CSMD1: variants seen among roughly 807,000 people sequenced by gnomAD.
CSMD1 encodes CUB and Sushi multiple domains 1, also known as CUB and sushi domain-containing protein 1.
Under a neutral mutation model 417.5 loss-of-function variants are expected in CSMD1, and 213 were observed. The ratio of observed to expected loss-of-function variants is 0.51; its 90% CI spans 0.46 to 0.57. The LOEUF (loss-of-function observed/expected upper bound fraction) is 0.57, where lower values mean the gene tolerates loss of function less well. Among genes scored for constraint, CSMD1 ranks in the 20% least tolerant of loss-of-function variants. The pLI is 0.00. For synonymous variants in CSMD1, 2,862 were observed against 1,736.8 expected (o/e 1.65, Z -16.11); for missense variants, 6,923 against 4,529.7 (o/e 1.53, Z -15.17).
chr8:4,596,914 GT>G (rs1256908232), intron 2 of CSMD1, among the ~76,000 whole-genome samples: 1 of 152,122 alleles, frequency 6.6e-6, no homozygotes, highest in East Asian at 1.9e-4. Context: ...GATCTGATGG[GT>G]TTATCAGGGG....
In CSMD1 at chr8:3,074,478, T is replaced by A. The variant is rs149829759; in HGVS notation, c.7474+12619A>T. 2.4e-4 allele frequency among the ~76,000 whole-genome samples: 37 copies of A among 152,222 alleles called. No homozygotes were observed. The East Asian group carries it at 6.6e-3, about 27-fold the overall frequency. On this transcript the variant is annotated intron_variant, in intron 49 of 69. Transcript: ENST00000635120. ...CTACCTTCACCAGGCTCCTCAAACATAGAAGCTTCCAGAAGCAAGCCGTCA... is the reference window on the plus strand; with the variant it reads ...CTACCTTCACCAGGCTCCTCAAACAAAGAAGCTTCCAGAAGCAAGCCGTCA...
At chr8:4,594,293 T>C (rs1463171887) in intron 2 of CSMD1, among the ~76,000 whole-genome samples, 1 of 142,928 alleles carries the variant, frequency 7.0e-6, no homozygotes, top group Non-Finnish European at 1.5e-5. Context: ...AACCTCTGAC[T>C]CCTGGGTTAA....
intron 1 of CSMD1, among the ~76,000 whole-genome samples, chr8:4,822,492 G>A (rs928398701): frequency 1.2e-4 from 18 of 152,008 alleles, no homozygotes; most frequent in Non-Finnish European, 2.5e-4. Context: ...CGATGGAGAT[G>A]TTTCTCATTT....
At chr8:2,944,140 C>T (rs677117) in intron 68 of CSMD1, among the ~76,000 whole-genome samples, 110,203 of 151,828 alleles carry the variant, frequency 0.73, 40,439 homozygotes, top group East Asian at 0.9. Flanking sequence ...CCCACCATCA[C>T]GCAAAAGGAA....
At chr8:4,907,528 A>G (rs1585304962) in intron 1 of CSMD1, among the ~76,000 whole-genome samples, 1 of 140,238 alleles carries the variant, frequency 7.1e-6, no homozygotes, top group African/African-American at 2.7e-5. Flanking sequence ...AAAAAAATTT[A>G]AATTATTTTT....
chr8:3,965,367 G>C (rs981353088), intron 5 of CSMD1, among the ~76,000 whole-genome samples: 1 of 152,160 alleles, frequency 6.6e-6, no homozygotes, highest in African/African-American at 2.4e-5. Flanking sequence ...TGAAGAGTTT[G>C]TGTGAACAAG....
At chr8:4,104,290 G>C (rs1801453110) in intron 3 of CSMD1, among the ~76,000 whole-genome samples, 1 of 152,188 alleles carries the variant, frequency 6.6e-6, no homozygotes, top group Non-Finnish European at 1.5e-5. Flanking sequence ...TGAGTTCTAA[G>C]CACCCATGTG....
rs1292777787 is a variant in CSMD1 at position 4,265,493 on chromosome 8, G to A, written c.415+154460C>T. Among the ~76,000 whole-genome samples, 14 of 103,758 alleles carry A rather than the reference G, an allele frequency of 1.3e-4. 3 individuals are homozygous for A. The highest frequency in any genetic ancestry group is 3.6e-4 in the Non-Finnish European group (14 of 38,640). The allele number at this position is 103,758 out of a possible 152,430, so 68.1% of individuals were successfully genotyped here. A position where few individuals can be genotyped will look rare whatever the true frequency, so the allele number is the denominator to read the frequency against. Reference sequence around the variant, plus strand: ...TTGGTAAAAATAAATATTGGAACCTGTTTCAAAAATAGCAAAATTTAATAG... The same window carrying A: ...TTGGTAAAAATAAATATTGGAACCTATTTCAAAAATAGCAAAATTTAATAG... On this transcript the variant is annotated intron_variant, in intron 3 of 69. Transcript: ENST00000635120.
intron 3 of CSMD1, among the ~76,000 whole-genome samples, chr8:4,034,972 G>A (rs978791850): frequency 2.0e-5 from 3 of 152,120 alleles, no homozygotes; most frequent in Non-Finnish European, 2.9e-5. Flanking sequence ...CTTAGTCTGC[G>A]CGACTCTTCT....
At chr8:4,336,605 G>C (rs1418048347) in intron 3 of CSMD1, among the ~76,000 whole-genome samples, 3 of 152,138 alleles carry the variant, frequency 2.0e-5, no homozygotes, top group African/African-American at 7.2e-5. Flanking sequence ...CACACACAAA[G>C]TGCATTTGTT....
At chr8:3,363,512 C>CTTATTGATTTAT (rs142946361) in intron 20 of CSMD1, among the ~76,000 whole-genome samples, 1 of 150,656 alleles carries the variant, frequency 6.6e-6, no homozygotes, top group Non-Finnish European at 1.5e-5. Flanking sequence ...TGTAGAAAGG[C>CTTATTGATTTAT]TTATTTATTT....
At chr8:3,136,453 C>T (rs1464130791) in intron 41 of CSMD1, among the ~76,000 whole-genome samples, 3 of 151,846 alleles carry the variant, frequency 2.0e-5, no homozygotes, top group African/African-American at 4.8e-5. Flanking sequence ...TTAGTAGAAA[C>T]GGGGTTTCAC....
At chr8:4,740,270 G>A (rs1367606306) in intron 1 of CSMD1, among the ~76,000 whole-genome samples, 1 of 152,116 alleles carries the variant, frequency 6.6e-6, no homozygotes, top group African/African-American at 2.4e-5. Flanking sequence ...ATTAGTAATA[G>A]TCTGTATTTT....
chr8:3,232,934 G>T (rs967607739), intron 26 of CSMD1, among the ~76,000 whole-genome samples: 1 of 143,466 alleles, frequency 7.0e-6, no homozygotes, highest in Admixed American at 6.9e-5. Context: ...AGGTATTTCA[G>T]TTATTTAAAA....
intron 41 of CSMD1, among the ~76,000 whole-genome samples, chr8:3,121,064 T>C (rs1783290601): frequency 6.7e-6 from 1 of 150,112 alleles, no homozygotes. Context: ...TGCAGCATTA[T>C]TTACACTACA....
At chr8:3,396,162 C>T (rs950330623) in intron 17 of CSMD1, 32 bp downstream of exon 17, 19 of 1,540,902 alleles carry the variant, frequency 1.2e-5, no homozygotes, top group Non-Finnish European at 1.5e-5. Flanking sequence ...GCATGCTGCC[C>T]TGCCGGGCTG....
intron 51 of CSMD1, among the ~76,000 whole-genome samples, chr8:3,020,223 C>A (rs114781995): frequency 6.6e-6 from 1 of 152,192 alleles, no homozygotes; most frequent in Non-Finnish European, 1.5e-5. Context: ...CCATCCCTCG[C>A]ACATAAGCAG....
intron 1 of CSMD1, among the ~76,000 whole-genome samples, chr8:4,686,099 T>C (rs982431985): frequency 5.9e-5 from 9 of 152,248 alleles, no homozygotes; most frequent in Admixed American, 2.0e-4. Flanking sequence ...ACTTTTTCGT[T>C]ACAGAAGCTG....
intron 2 of CSMD1, among the ~76,000 whole-genome samples, chr8:4,520,739 T>C (rs1563251969): frequency 6.6e-6 from 1 of 152,210 alleles, no homozygotes; most frequent in Non-Finnish European, 1.5e-5. Context: ...TATTTAACTC[T>C]AATTGAATTA....
Sources: gnomAD v4.1 joint callset for allele counts (sites outside exome capture counted in the v4.1 genomes callset) on GRCh38, gnomAD v4.1.1 for gene constraint, MANE v1.5 for transcripts, NCBI Gene and HGNC (gene_info 2026-07-23, HGNC 2026-07-21) for gene names.